The following ARSG variants were observed in gnomAD, a reference collection of about 807,000 sequenced individuals.
ARSG encodes the protein ASG.
ARSG carries 37 observed loss-of-function variants against 50.5 expected under a neutral mutation model. The ratio of observed to expected loss-of-function variants is 0.73; its 90% CI spans 0.56 to 0.96. The LOEUF (loss-of-function observed/expected upper bound fraction) is 0.96, where lower values mean the gene tolerates loss of function less well. Among genes scored for constraint, ARSG ranks in the 50% least tolerant of loss-of-function variants. The probability of loss-of-function intolerance (pLI) is 0.00; values close to 1 mark genes in which losing one functional copy is unlikely to be tolerated. For missense variants in ARSG, 629 were observed against 675.3 expected (o/e 0.93, Z 0.76); for synonymous variants, 225 against 254.6 (o/e 0.88, Z 1.11).
At chr17:68,337,293 T>C (rs2146146893) in intron 2 of ARSG, among the ~76,000 whole-genome samples, 1 of 152,076 alleles carries the variant, frequency 6.6e-6, no homozygotes, top group South Asian at 2.1e-4. Context: ...GAAATACGGA[T>C]TTGGAGATCA....
At chr17:68,294,214 G>A (rs954624317) in intron 1 of ARSG, among the ~76,000 whole-genome samples, 14 of 152,094 alleles carry the variant, frequency 9.2e-5, no homozygotes, top group Non-Finnish European at 1.6e-4. Flanking sequence ...CCATCATGAT[G>A]CCCTTAAGAA....
intron 2 of ARSG, among the ~76,000 whole-genome samples, chr17:68,315,537 G>A: frequency 6.6e-6 from 1 of 151,752 alleles, no homozygotes. Flanking sequence ...AAAAAAAAAA[G>A]GAGATTGGAA....
intron 4 of ARSG, among the ~76,000 whole-genome samples, chr17:68,348,896 G>A (rs80025280): frequency 1.1e-3 from 166 of 152,282 alleles, no homozygotes; most frequent in African/African-American, 3.9e-3. Flanking sequence ...CAAACACAAC[G>A]AGGTCTTTCT....
chr17:68,373,987 C>A (rs2080005620), intron 8 of ARSG, among the ~76,000 whole-genome samples: 1 of 151,786 alleles, frequency 6.6e-6, no homozygotes, highest in Non-Finnish European at 1.5e-5. Context: ...GAAACCCCGT[C>A]TCTACTAAAA....
chr17:68,305,304 C>G (rs1479218521), intron 1 of ARSG, among the ~76,000 whole-genome samples: 1 of 152,188 alleles, frequency 6.6e-6, no homozygotes, highest in Non-Finnish European at 1.5e-5. Context: ...TATTTGTCCA[C>G]TGAAGTTGAG....
At position 68,368,882 on chromosome 17, in the gene ARSG, G is replaced by C. The variant is rs952108219; in HGVS notation, c.901+138G>C. The C allele has an allele frequency of 6.1e-5, 61 of 996,198 alleles. No individual in the cohort carries two copies. In the African/African-American group the frequency reaches 9.3e-4, roughly 15 times the overall value. 61.7% of individuals were successfully genotyped at this position (996,198 alleles called of 1,614,324 possible). A position where few individuals can be genotyped will look rare whatever the true frequency, so the allele number is the denominator to read the frequency against. On this transcript the variant is annotated intron_variant, in intron 7 of 11. Transcript: ENST00000621439. ...GCTTTGAACTTGTGGCCCAGATAAG[G>C]CTTGCTGGCCTGAATGCTGAGCACC...
intron 1 of ARSG, among the ~76,000 whole-genome samples, chr17:68,275,906 C>T (rs2075500176): frequency 6.6e-6 from 1 of 151,340 alleles, no homozygotes; most frequent in Admixed American, 6.6e-5. Context: ...TCACTTGAAC[C>T]TGGGAGGCGG....
chr17:68,411,317 T>C (rs1334392998), intron 11 of ARSG, among the ~76,000 whole-genome samples: 2 of 152,254 alleles, frequency 1.3e-5, no homozygotes, highest in Non-Finnish European at 2.9e-5. Flanking sequence ...GATTCTGGTA[T>C]GTTGTGTCTT....
chr17:68,381,673 G>A lies in ARSG; in HGVS notation c.983-3391G>A, dbSNP rs1194865066. On this transcript the variant is annotated intron_variant, in intron 8 of 11. Coordinates refer to ENST00000621439, the MANE Select transcript of ARSG (RefSeq NM_001267727.2). The surrounding 1 kb of genome is among the most constrained non-coding windows in gnomAD (Gnocchi z 4.1). The stretch of plus-strand genomic sequence containing the variant: ...GCTACATTTAACTTTGAAACGTGCT[G>A]TGTTCTCTTCCCGATCTTGCCCCTT... Among the ~76,000 whole-genome samples the A allele has an allele frequency of 1.3e-5, 2 of 152,182 alleles. No homozygotes were observed. The highest frequency in any genetic ancestry group is 1.5e-5 in the Non-Finnish European group (1 of 68,028).
At chr17:68,345,562 T>A (rs2078465095) in intron 3 of ARSG, among the ~76,000 whole-genome samples, 1 of 152,320 alleles carries the variant, frequency 6.6e-6, no homozygotes, top group East Asian at 1.9e-4. Flanking sequence ...TTTAAGCATA[T>A]CCAGCTGTTG....
intron 2 of ARSG, among the ~76,000 whole-genome samples, chr17:68,312,844 G>A (rs1357317972): frequency 6.6e-6 from 1 of 152,138 alleles, no homozygotes; most frequent in Non-Finnish European, 1.5e-5. Flanking sequence ...AACAGGGTCT[G>A]GGGTGACTAG....
chr17:68,426,250 G>GGGGGGGGGGGGGGGGT, downstream of ARSG: 5 of 828,060 alleles, frequency 6.0e-6, 1 homozygote, highest in Non-Finnish European at 9.6e-6. Context: ...GGTGGGGAGC[G>GGGGGGGGGGGGGGGGT]GGGGCTCAAA....
chr17:68,320,255 A>C lies in ARSG; in HGVS notation c.218+12544A>C, dbSNP rs575181161. On this transcript the variant is annotated intron_variant, in intron 2 of 11. Transcript: ENST00000621439. The stretch of plus-strand genomic sequence containing the variant: ...CAGTGAGCCGAGATCGTGCCACTGC[A>C]CTCTGGCCTAGGTGACAGAGCAAGA... Among the ~76,000 whole-genome samples, 5 of 149,486 alleles carry C rather than the reference A, an allele frequency of 3.3e-5. No individual in the cohort carries two copies. In the South Asian group the frequency reaches 1.1e-3, roughly 32 times the overall value.
In ARSG at chr17:68,367,201, C is replaced by T. The variant is rs76220727; in HGVS notation, c.705-1347C>T. Among the ~76,000 whole-genome samples, 5,394 of 152,322 alleles carry T rather than the reference C, an allele frequency of 0.035. 102 individuals carry two copies. Among genetic ancestry groups the T allele is most frequent in the African/African-American group, 0.044 (1,829 of 41,572 alleles). Reference sequence around the variant, plus strand: ...TGTGGATTAAAATGGGGAAGGCAGACGCCCCTGTCTTGGGACTTGTGTCCA... The same window carrying T: ...TGTGGATTAAAATGGGGAAGGCAGATGCCCCTGTCTTGGGACTTGTGTCCA... On this transcript the variant is annotated intron_variant, in intron 6 of 11. Transcript: ENST00000621439. This position sits in a 1 kb window ranked among gnomAD's most constrained non-coding sequence, Gnocchi z 4.5.
At chr17:68,449,112 T>A in the ARSG span, among the ~76,000 whole-genome samples, 1 of 152,112 alleles carries the variant, frequency 6.6e-6, no homozygotes, top group South Asian at 2.1e-4. Context: ...TACTTAAGAG[T>A]TTAGACAAAG....
the ARSG span, chr17:68,435,614 A>G: frequency 6.2e-7 from 1 of 1,613,858 alleles, no homozygotes; most frequent in South Asian, 1.1e-5. Flanking sequence ...GTGGGAGTGG[A>G]CTCACTTTTT....
rs34934330 is a variant in ARSG at position 68,352,088 on chromosome 17, GGAGAGA to G, written c.566+423_566+428del. On this transcript the variant is annotated intron_variant, in intron 5 of 11. Transcript: ENST00000621439. ...GGAGAGAGAGAGAGAGAGAGACAGA[GGAGAGA>G]GAGAGAGAGAGAGAGAGAGACAGAG... 1.2e-3 allele frequency among the ~76,000 whole-genome samples: 123 copies of G among 104,066 alleles called. 1 individual carries two copies. Among genetic ancestry groups the G allele is most frequent in the Admixed American group, 3.7e-3 (36 of 9,666 alleles). The allele number at this position is 104,066 out of a possible 152,430, so 68.3% of individuals were successfully genotyped here.
chr17:68,292,939 T>TTCC (rs782267028), intron 1 of ARSG, among the ~76,000 whole-genome samples: 2 of 152,200 alleles, frequency 1.3e-5, no homozygotes, highest in Non-Finnish European at 2.9e-5. Context: ...GGAGGTGGTA[T>TTCC]TCCCAGAATT....
chr17:68,381,193 G>C lies in ARSG; in HGVS notation c.983-3871G>C, dbSNP rs2080414516. Among the ~76,000 whole-genome samples, 1 of 152,114 alleles carries C rather than the reference G, an allele frequency of 6.6e-6. No individual in the cohort carries two copies. Among genetic ancestry groups the C allele is most frequent in the Admixed American group, 6.5e-5 (1 of 15,268 alleles). ...GAAAGACCACTGTTCCTCCGCGTGG[G>C]CAGTGGTGAGTCTTCCCCGGCCTGC... On this transcript the variant is annotated intron_variant, in intron 8 of 11. Coordinates refer to ENST00000621439, the MANE Select transcript of ARSG (RefSeq NM_001267727.2). This position sits in a 1 kb window ranked among gnomAD's most constrained non-coding sequence, Gnocchi z 4.1.
Sources: allele counts gnomAD v4.1 joint callset (sites outside exome capture counted in the v4.1 genomes callset), GRCh38; gene constraint gnomAD v4.1.1; non-coding constraint Gnocchi (gnomAD v3.1); transcripts MANE v1.5; gene names NCBI Gene and HGNC (gene_info 2026-07-23, HGNC 2026-07-21).